FARS2: variants seen among roughly 807,000 people sequenced by gnomAD.
FARS2 encodes phenylalanine--tRNA ligase, mitochondrial.
Under a neutral mutation model 46.4 loss-of-function variants are expected in FARS2, and 40 were observed. The observed-to-expected ratio is 0.86, with a 90% CI of 0.67 to 1.12. FARS2 has a LOEUF of 1.12. Ranked by LOEUF, FARS2 falls within the 50% of genes most tolerant of loss-of-function variation. FARS2 has a pLI of 0.00. For missense variants in FARS2, 513 were observed against 567.9 expected (o/e 0.90, Z 0.98); for synonymous variants, 234 against 214.9 (o/e 1.09, Z -0.78).
intron 1 of FARS2, among the ~76,000 whole-genome samples, chr6:5,315,761 T>TCTTTCTTTCTTTCTTCCTTTCTTTCTTTC (rs1561952069): frequency 7.5e-6 from 1 of 132,644 alleles, no homozygotes; most frequent in Non-Finnish European, 1.6e-5. Context: ...TTTCTTTCTT[T>TCTTTCTTTCTTTCTTCCTTTCTTTCTTTC]TTTTTGGGGA....
intron 6 of FARS2, among the ~76,000 whole-genome samples, chr6:5,631,003 T>G (rs1431383389): frequency 1.3e-5 from 2 of 152,144 alleles, no homozygotes; most frequent in Non-Finnish European, 2.9e-5. Context: ...TAGAATTGCC[T>G]CCTCCAAAGG....
intron 3 of FARS2, among the ~76,000 whole-genome samples, chr6:5,409,246 C>G (rs917816197): frequency 2.0e-5 from 3 of 152,038 alleles, no homozygotes; most frequent in African/African-American, 7.2e-5. Flanking sequence ...GTCAGGAGAT[C>G]AAGACCTCCT....
chr6:5,607,721 C>T (rs1322215773), intron 5 of FARS2, among the ~76,000 whole-genome samples: 5 of 152,106 alleles, frequency 3.3e-5, no homozygotes, highest in East Asian at 1.9e-4. Flanking sequence ...ATAACCATGA[C>T]GCGTTTATAC....
At chr6:5,640,649 C>T (rs1028902149) in intron 6 of FARS2, among the ~76,000 whole-genome samples, 5 of 152,200 alleles carry the variant, frequency 3.3e-5, no homozygotes, top group African/African-American at 7.2e-5. Flanking sequence ...CTCTCGAAGC[C>T]GCCTGCTATG....
intron 1 of FARS2, among the ~76,000 whole-genome samples, chr6:5,312,356 ACACTTT>A (rs1310594623): frequency 6.6e-6 from 1 of 152,176 alleles, no homozygotes; most frequent in East Asian, 1.9e-4. Context: ...CCTTTTTTAT[ACACTTT>A]CACTTAAACT....
intron 1 of FARS2, among the ~76,000 whole-genome samples, chr6:5,270,819 A>C (rs1765891846): frequency 6.6e-6 from 1 of 152,078 alleles, no homozygotes; most frequent in Admixed American, 6.6e-5. Flanking sequence ...TTCATTCTTT[A>C]GTACTCACCT....
intron 6 of FARS2, among the ~76,000 whole-genome samples, chr6:5,760,762 G>C (rs935910985): frequency 6.6e-6 from 1 of 152,154 alleles, no homozygotes; most frequent in African/African-American, 2.4e-5. Flanking sequence ...CCGCAGAAAG[G>C]GCTTTTCCTC....
chr6:5,474,949 C>A (rs958400711), intron 4 of FARS2, among the ~76,000 whole-genome samples: 25 of 152,158 alleles, frequency 1.6e-4, no homozygotes, highest in Non-Finnish European at 4.4e-5. Context: ...TGAGCCACCA[C>A]GCCGGTGCCC....
At chr6:5,748,345 T>C (rs1422385839) in intron 6 of FARS2, among the ~76,000 whole-genome samples, 2 of 152,206 alleles carry the variant, frequency 1.3e-5, no homozygotes, top group Admixed American at 1.3e-4. Context: ...ATGGCATGTT[T>C]GGTACAAAGG....
intron 4 of FARS2, among the ~76,000 whole-genome samples, chr6:5,534,710 T>C (rs144268582): frequency 0.022 from 3,278 of 152,318 alleles, 56 homozygotes; most frequent in Non-Finnish European, 0.028. Flanking sequence ...TGAATAATGC[T>C]GTTATGAACA....
intron 4 of FARS2, among the ~76,000 whole-genome samples, chr6:5,477,199 G>A (rs576583327): frequency 6.6e-6 from 1 of 152,274 alleles, no homozygotes; most frequent in African/African-American, 2.4e-5. Flanking sequence ...CCAAAACCAA[G>A]TAAAGACCTT....
chr6:5,497,298 A>G (rs1286538935), intron 4 of FARS2, among the ~76,000 whole-genome samples: 1 of 152,198 alleles, frequency 6.6e-6, no homozygotes, highest in African/African-American at 2.4e-5. Context: ...AACTGTTCCC[A>G]GAGAAACTAG....
chr6:5,443,991 G>A (rs114219607), intron 4 of FARS2, among the ~76,000 whole-genome samples: 87 of 152,210 alleles, frequency 5.7e-4, no homozygotes, highest in African/African-American at 2.0e-3. Context: ...CAGTATTTTA[G>A]TGGGCTGTGG....
chr6:5,455,555 C>A (rs1300921386), intron 4 of FARS2, among the ~76,000 whole-genome samples: 2 of 152,310 alleles, frequency 1.3e-5, no homozygotes, highest in African/African-American at 4.8e-5. Flanking sequence ...CATCCTACTT[C>A]TAATTTGTTT....
chr6:5,437,096 C>G (rs1234622749), intron 4 of FARS2, among the ~76,000 whole-genome samples: 2 of 152,294 alleles, frequency 1.3e-5, no homozygotes, highest in African/African-American at 4.8e-5. Flanking sequence ...AACCACTGAT[C>G]TACCTGCTGT....
chr6:5,392,373 C>G (rs2432792), intron 2 of FARS2, among the ~76,000 whole-genome samples: 56,547 of 151,920 alleles, frequency 0.37, 12,205 homozygotes, highest in African/African-American at 0.6. Flanking sequence ...GAAAACTTTA[C>G]TGTGTTTTAC....
chr6:5,762,467 G>A (rs1033759816), intron 6 of FARS2, among the ~76,000 whole-genome samples: 5 of 152,134 alleles, frequency 3.3e-5, no homozygotes, highest in Non-Finnish European at 7.3e-5. Flanking sequence ...CAAGGAGCTC[G>A]GCCACATCCC....
At chr6:5,661,796 G>A (rs1400826359) in intron 6 of FARS2, among the ~76,000 whole-genome samples, 3 of 146,278 alleles carry the variant, frequency 2.1e-5, no homozygotes, top group Non-Finnish European at 3.0e-5. Flanking sequence ...AGAGAGACAA[G>A]GCCATGCTTG....
At chr6:5,362,526 T>A (rs1296601642) in intron 1 of FARS2, among the ~76,000 whole-genome samples, 1 of 152,230 alleles carries the variant, frequency 6.6e-6, no homozygotes, top group Non-Finnish European at 1.5e-5. Context: ...TTGTGAATAA[T>A]GCTGCAGTGA....
Sources: gnomAD v4.1 joint callset for allele counts (sites outside exome capture counted in the v4.1 genomes callset) on GRCh38, gnomAD v4.1.1 for gene constraint, MANE v1.5 for transcripts, NCBI Gene and HGNC (gene_info 2026-07-23, HGNC 2026-07-21) for gene names.